KCNMB2: variants seen among roughly 807,000 people sequenced by gnomAD.
The protein encoded by KCNMB2 is potassium calcium-activated channel subfamily M regulatory beta subunit 2.
In KCNMB2, 9 loss-of-function variants were observed where a neutral mutation model predicts 24.5. That is an observed-to-expected ratio of 0.37 (90% confidence interval 0.22 to 0.64). KCNMB2 has a LOEUF of 0.64. Ranked by LOEUF, KCNMB2 falls within the 30% of genes least tolerant of loss-of-function variation. KCNMB2 has a pLI of 0.63. For synonymous variants in KCNMB2, 109 were observed against 104.4 expected (o/e 1.04, Z -0.27); for missense variants, 226 against 284.3 (o/e 0.79, Z 1.47).
At chr3:178,562,037 C>G (rs1303946591) in intron 1 of KCNMB2, among the ~76,000 whole-genome samples, 1 of 152,154 alleles carries the variant, frequency 6.6e-6, no homozygotes, top group Non-Finnish European at 1.5e-5. Context: ...TTAGTGACAG[C>G]TCGTGAACAA....
intron 1 of KCNMB2, among the ~76,000 whole-genome samples, chr3:178,694,423 C>T (rs1173792425): frequency 1.3e-5 from 2 of 152,222 alleles, no homozygotes; most frequent in African/African-American, 2.4e-5. Flanking sequence ...GCCCTTCCAA[C>T]AGTCCTCCAA....
chr3:178,638,270 T>C (rs1719600094), intron 1 of KCNMB2, among the ~76,000 whole-genome samples: 1 of 152,186 alleles, frequency 6.6e-6, no homozygotes, highest in African/African-American at 2.4e-5. Flanking sequence ...CTCCCCAGAC[T>C]GTTTTTTGAG....
At chr3:178,745,945 A>G (rs2108382703) in intron 1 of KCNMB2, among the ~76,000 whole-genome samples, 1 of 152,238 alleles carries the variant, frequency 6.6e-6, no homozygotes, top group East Asian at 1.9e-4. Flanking sequence ...AGCTGCTTTC[A>G]TGGACTGGTA....
intron 2 of KCNMB2, among the ~76,000 whole-genome samples, chr3:178,821,450 G>T (rs1023003017): frequency 6.6e-6 from 1 of 152,084 alleles, no homozygotes; most frequent in African/African-American, 2.4e-5. Flanking sequence ...AAAAACCAAA[G>T]CCTGAACAAA....
intron 1 of KCNMB2, among the ~76,000 whole-genome samples, chr3:178,596,634 A>T (rs1047297684): frequency 1.3e-5 from 2 of 152,044 alleles, no homozygotes; most frequent in African/African-American, 4.8e-5. Flanking sequence ...TTCTGCCTTA[A>T]AAGAGTCAAC....
intron 1 of KCNMB2, among the ~76,000 whole-genome samples, chr3:178,663,852 G>A (rs1720621662): frequency 6.6e-6 from 1 of 152,106 alleles, no homozygotes; most frequent in Non-Finnish European, 1.5e-5. Flanking sequence ...AGTGTTTTAA[G>A]GGTGTTAAAC....
chr3:178,606,890 C>G (rs1337779466), intron 1 of KCNMB2, among the ~76,000 whole-genome samples: 2 of 152,178 alleles, frequency 1.3e-5, no homozygotes, highest in Non-Finnish European at 2.9e-5. Flanking sequence ...AGAAAGCTCT[C>G]TCTCCCCTTC....
rs574576883 is a variant in KCNMB2 at position 178,703,598 on chromosome 3, T to A, written c.-67-103745T>A. Among the ~76,000 whole-genome samples, 36 of 152,310 alleles carry A rather than the reference T, an allele frequency of 2.4e-4. 1 individual carries two copies. The highest frequency in any genetic ancestry group is 1.7e-3 in the South Asian group (8 of 4,828). On this transcript the variant is annotated intron_variant, in intron 1 of 4. Transcript: ENST00000452583. ...GGTTTTAATCACAGCAAAGAGAAAC[T>A]GTTATTCTTTAGCTAACAGTACTCA...
intron 4 of KCNMB2, among the ~76,000 whole-genome samples, chr3:178,829,562 A>G (rs1714977324): frequency 6.6e-6 from 1 of 152,206 alleles, no homozygotes; most frequent in Non-Finnish European, 1.5e-5. Context: ...TACCAGTCCC[A>G]GCGCTGTGCT....
At chr3:178,818,908 C>A (rs13077845) in intron 2 of KCNMB2, among the ~76,000 whole-genome samples, 1 of 139,952 alleles carries the variant, frequency 7.1e-6, no homozygotes. Context: ...TACCTCTATT[C>A]TCTTATATTC....
chr3:178,793,519 G>GGGA (rs1354410280), intron 1 of KCNMB2, among the ~76,000 whole-genome samples: 1 of 149,012 alleles, frequency 6.7e-6, no homozygotes, highest in East Asian at 1.9e-4. Flanking sequence ...CACCCTGGGG[G>GGGA]GGTGGGCAAT....
chr3:178,761,995 C>T (rs1045763332), intron 1 of KCNMB2, among the ~76,000 whole-genome samples: 15 of 152,096 alleles, frequency 9.9e-5, no homozygotes, highest in African/African-American at 3.4e-4. Context: ...CACTGTGAAA[C>T]CCCGTCTCTA....
chr3:178,817,114 G>C (rs1168854548), intron 2 of KCNMB2, among the ~76,000 whole-genome samples: 3 of 151,010 alleles, frequency 2.0e-5, no homozygotes, highest in African/African-American at 7.4e-5. Context: ...TTACCCATAA[G>C]ACCTGGGTCA....
intron 1 of KCNMB2, among the ~76,000 whole-genome samples, chr3:178,800,853 A>T (rs902903395): frequency 1.3e-5 from 2 of 152,164 alleles, no homozygotes; most frequent in African/African-American, 2.4e-5. Flanking sequence ...CCATAAAAAA[A>T]TAGATCCTGT....
intron 1 of KCNMB2, among the ~76,000 whole-genome samples, chr3:178,668,504 C>A (rs986684837): frequency 6.6e-6 from 1 of 152,006 alleles, no homozygotes; most frequent in African/African-American, 2.4e-5. Context: ...AAAATTATAA[C>A]CCTAGCAGGA....
At chr3:178,722,833 T>C (rs1418920312) in intron 1 of KCNMB2, among the ~76,000 whole-genome samples, 1 of 152,122 alleles carries the variant, frequency 6.6e-6, no homozygotes, top group Non-Finnish European at 1.5e-5. Flanking sequence ...GCGGAGGTTG[T>C]TATGAGCTGA....
At chr3:178,646,078 C>G (rs1719913924) in intron 1 of KCNMB2, among the ~76,000 whole-genome samples, 1 of 152,128 alleles carries the variant, frequency 6.6e-6, no homozygotes, top group Non-Finnish European at 1.5e-5. Flanking sequence ...AACGTCTCAT[C>G]TGAACACAAG....
intron 1 of KCNMB2, among the ~76,000 whole-genome samples, chr3:178,562,819 A>G (rs1304363595): frequency 6.6e-6 from 1 of 152,250 alleles, no homozygotes; most frequent in Non-Finnish European, 1.5e-5. Context: ...TCTTAAACAT[A>G]GACACCTTTG....
intron 1 of KCNMB2, among the ~76,000 whole-genome samples, chr3:178,568,075 A>G (rs532578590): frequency 4.0e-4 from 61 of 152,314 alleles, no homozygotes; most frequent in Admixed American, 1.5e-3. Flanking sequence ...TTTTAATGTT[A>G]TAAAACAATG....
Sources: allele counts gnomAD v4.1 joint callset (sites outside exome capture counted in the v4.1 genomes callset), GRCh38; gene constraint gnomAD v4.1.1; transcripts MANE v1.5; gene names NCBI Gene and HGNC (gene_info 2026-07-23, HGNC 2026-07-21).